The following TMEM108 variants were observed in gnomAD, a reference collection of about 807,000 sequenced individuals.
The protein encoded by TMEM108 is transmembrane protein 108, also known as cancer/testis antigen 124.
In TMEM108, 12 loss-of-function variants were observed where a neutral mutation model predicts 35.1. The ratio of observed to expected loss-of-function variants is 0.34; its 90% CI spans 0.22 to 0.55. The LOEUF (loss-of-function observed/expected upper bound fraction) is 0.55, where lower values mean the gene tolerates loss of function less well. TMEM108 is among the 20% of genes least tolerant of loss of function. The pLI is 0.89. For synonymous variants in TMEM108, 287 were observed against 308.6 expected (o/e 0.93, Z 0.73); for missense variants, 680 against 753.3 (o/e 0.90, Z 1.14).
intron 2 of TMEM108, among the ~76,000 whole-genome samples, chr3:133,116,317 G>A (rs1576326583): frequency 6.6e-6 from 1 of 152,184 alleles, no homozygotes; most frequent in African/African-American, 2.4e-5. Flanking sequence ...TTGGATAGGG[G>A]CACTTTGCAA....
rs1317154515 is a variant in TMEM108 at position 133,073,411 on chromosome 3, C to G, written c.-47+27391C>G. On this transcript the variant is annotated intron_variant, in intron 2 of 5. Transcript: ENST00000321871. ...TCCGTGCCTGGCTTATTTCACTTAACATAGTGTCTTGTCCATGTTGTTGCA... is the reference window on the plus strand; with the variant it reads ...TCCGTGCCTGGCTTATTTCACTTAAGATAGTGTCTTGTCCATGTTGTTGCA... Among the ~76,000 whole-genome samples, 3 of 146,148 alleles carry G rather than the reference C, an allele frequency of 2.1e-5. No individual in the cohort carries two copies. In the Admixed American group the frequency reaches 2.1e-4, roughly 10 times the overall value.
intron 3 of TMEM108, among the ~76,000 whole-genome samples, chr3:133,240,896 G>T (rs1434956402): frequency 6.6e-6 from 1 of 151,872 alleles, no homozygotes; most frequent in African/African-American, 2.4e-5. Context: ...TTGTAATATT[G>T]TAAGCAAATC....
In TMEM108 at chr3:133,166,256, A is replaced by G. The variant is rs1347590835; in HGVS notation, c.-46-63010A>G. On this transcript the variant is annotated intron_variant, in intron 2 of 5. Transcript: ENST00000321871. ...ATAGCTAATGGATGCTGGGCTTCAT[A>G]CATAGGTGATGGGATAATCTGTACA... Among the ~76,000 whole-genome samples, 2 of 152,234 alleles carry G rather than the reference A, an allele frequency of 1.3e-5. 1 individual carries two copies. The highest frequency in any genetic ancestry group is 2.9e-5 in the Non-Finnish European group (2 of 68,042).
chr3:133,218,519 T>G (rs904139868), intron 2 of TMEM108, among the ~76,000 whole-genome samples: 1 of 152,056 alleles, frequency 6.6e-6, no homozygotes, highest in Non-Finnish European at 1.5e-5. Context: ...TTGTTGCATA[T>G]GTTAGCTGTG....
At chr3:133,260,743 A>G (rs1454336205) in intron 3 of TMEM108, among the ~76,000 whole-genome samples, 1 of 152,230 alleles carries the variant, frequency 6.6e-6, no homozygotes, top group Non-Finnish European at 1.5e-5. Flanking sequence ...AATTGATTGT[A>G]GGAGTTTAGG....
intron 3 of TMEM108, among the ~76,000 whole-genome samples, chr3:133,258,795 G>C (rs72976178): frequency 0.018 from 2,788 of 152,316 alleles, 98 homozygotes; most frequent in African/African-American, 0.063. Flanking sequence ...CTCATGGCCT[G>C]AAGAACGTTA....
intron 2 of TMEM108, among the ~76,000 whole-genome samples, chr3:133,126,295 T>A (rs535384258): frequency 5.3e-4 from 80 of 152,048 alleles, no homozygotes; most frequent in African/African-American, 1.8e-3. Flanking sequence ...TTAAACCCCA[T>A]CTCTACTAAA....
At chr3:133,236,105 T>TTA (rs1946232813) in intron 3 of TMEM108, among the ~76,000 whole-genome samples, 1 of 152,134 alleles carries the variant, frequency 6.6e-6, no homozygotes, top group East Asian at 1.9e-4. Flanking sequence ...TCAGAATAGT[T>TTA]TAAATACTTA....
intron 3 of TMEM108, among the ~76,000 whole-genome samples, chr3:133,273,779 A>G (rs994851417): frequency 6.6e-6 from 1 of 152,242 alleles, no homozygotes; most frequent in Non-Finnish European, 1.5e-5. Context: ...GAAATAGATT[A>G]GCCAATCATG....
chr3:133,169,670 G>A (rs1945099368), intron 2 of TMEM108, among the ~76,000 whole-genome samples: 1 of 152,196 alleles, frequency 6.6e-6, no homozygotes, highest in Non-Finnish European at 1.5e-5. Flanking sequence ...GGGACAAAAT[G>A]TGTACCCCAG....
At chr3:133,112,226 C>T (rs528009645) in intron 2 of TMEM108, among the ~76,000 whole-genome samples, 12 of 152,184 alleles carry the variant, frequency 7.9e-5, no homozygotes, top group Admixed American at 2.0e-4. Context: ...CCTCCAGGAA[C>T]AAAATGACTC....
intron 2 of TMEM108, among the ~76,000 whole-genome samples, chr3:133,190,314 G>A (rs73215592): frequency 0.086 from 13,036 of 152,114 alleles, 605 homozygotes; most frequent in African/African-American, 0.11. Context: ...ATTTATATCA[G>A]GGGAAGAAAC....
At chr3:133,245,207 C>T (rs1946367951) in intron 3 of TMEM108, among the ~76,000 whole-genome samples, 1 of 152,148 alleles carries the variant, frequency 6.6e-6, no homozygotes, top group Non-Finnish European at 1.5e-5. Flanking sequence ...GGAGAAGTGA[C>T]TTACCCAGGA....
intron 2 of TMEM108, among the ~76,000 whole-genome samples, chr3:133,200,221 A>G (rs1945642373): frequency 6.6e-6 from 1 of 152,154 alleles, no homozygotes; most frequent in South Asian, 2.1e-4. Flanking sequence ...TTACCAGGTG[A>G]GGCAATGCCT....
At chr3:133,047,239 A>G (rs888835590) in intron 2 of TMEM108, among the ~76,000 whole-genome samples, 6 of 152,208 alleles carry the variant, frequency 3.9e-5, no homozygotes, top group Admixed American at 1.3e-4. Flanking sequence ...TTTTCTCATT[A>G]AAAGAAAGGA....
chr3:133,182,860 C>T (rs1413245878), intron 2 of TMEM108, among the ~76,000 whole-genome samples: 1 of 152,222 alleles, frequency 6.6e-6, no homozygotes, highest in East Asian at 1.9e-4. Flanking sequence ...AGCATTCTCA[C>T]TGTACTGTCC....
intron 4 of TMEM108, among the ~76,000 whole-genome samples, chr3:133,384,243 G>T (rs1019809797): frequency 2.3e-5 from 3 of 132,314 alleles, no homozygotes; most frequent in African/African-American, 8.5e-5. Flanking sequence ...TCTGAGTCAG[G>T]AGTAAAGTGC....
chr3:133,108,495 G>A (rs1297184288), intron 2 of TMEM108, among the ~76,000 whole-genome samples: 3 of 149,646 alleles, frequency 2.0e-5, no homozygotes, highest in Non-Finnish European at 4.4e-5. Context: ...ATTTGTTTGA[G>A]TTCACTGTAG....
chr3:133,372,719 A>G (rs945417721), intron 3 of TMEM108, among the ~76,000 whole-genome samples: 11 of 152,198 alleles, frequency 7.2e-5, no homozygotes, highest in African/African-American at 2.2e-4. Context: ...CTACCAAACA[A>G]TGGTCCCAGT....
Sources: gnomAD v4.1 joint callset for allele counts (sites outside exome capture counted in the v4.1 genomes callset) on GRCh38, gnomAD v4.1.1 for gene constraint, MANE v1.5 for transcripts, NCBI Gene and HGNC (gene_info 2026-07-23, HGNC 2026-07-21) for gene names.